The following HIBADH variants were observed in gnomAD, a reference collection of about 807,000 sequenced individuals.
The protein encoded by HIBADH is 3-hydroxyisobutyrate dehydrogenase, also known as 3-hydroxyisobutyrate dehydrogenase, mitochondrial.
Under a neutral mutation model 36.1 loss-of-function variants are expected in HIBADH, and 25 were observed. That is an observed-to-expected ratio of 0.69 (90% confidence interval 0.50 to 0.97). The LOEUF (loss-of-function observed/expected upper bound fraction) is 0.97, where lower values mean the gene tolerates loss of function less well. Among genes scored for constraint, HIBADH ranks in the 50% least tolerant of loss-of-function variants. The probability of loss-of-function intolerance (pLI) is 0.00; values close to 1 mark genes in which losing one functional copy is unlikely to be tolerated. For missense variants in HIBADH, 421 were observed against 418.0 expected, an observed-to-expected ratio of 1.01 and a Z score of -0.06; for synonymous variants, 160 against 149.5, an observed-to-expected ratio of 1.07 and a Z score of -0.51.
chr7:27,619,032 C>A (rs1295570747), intron 4 of HIBADH, among the ~76,000 whole-genome samples: 1 of 152,110 alleles, frequency 6.6e-6, no homozygotes, highest in African/African-American at 2.4e-5. Flanking sequence ...GACAAATATC[C>A]AAACTGTATC....
chr7:27,565,176 C>T (rs1051789183), intron 4 of HIBADH, among the ~76,000 whole-genome samples: 21 of 152,274 alleles, frequency 1.4e-4, no homozygotes, highest in African/African-American at 4.6e-4. Context: ...GAGATAGCCC[C>T]TACACCCCAA....
chr7:27,567,982 A>G (rs1012608437), intron 4 of HIBADH, among the ~76,000 whole-genome samples: 7 of 152,208 alleles, frequency 4.6e-5, no homozygotes, highest in African/African-American at 1.4e-4. Flanking sequence ...TTCAACTTAC[A>G]ATATTTTCAA....
At chr7:27,544,647 C>T (rs1784208654) in intron 4 of HIBADH, among the ~76,000 whole-genome samples, 1 of 152,156 alleles carries the variant, frequency 6.6e-6, no homozygotes, top group South Asian at 2.1e-4. Context: ...CACCATTCCT[C>T]CTAATCCTGT....
At position 27,594,734 on chromosome 7, in the gene HIBADH, C is replaced by T. The variant is rs1012195758; in HGVS notation, c.484+34637G>A. 2.6e-5 allele frequency among the ~76,000 whole-genome samples: 4 copies of T among 151,988 alleles called. No individual in the cohort carries two copies. In the South Asian group the frequency reaches 6.2e-4, roughly 24 times the overall value. On this transcript the variant is annotated intron_variant, in intron 4 of 7. Transcript: ENST00000265395. The stretch of plus-strand genomic sequence containing the variant: ...CCTTCCAGACAGTAAAATAAAGCAA[C>T]GGAAAGTTGTCCTACTCAGGAAACA...
chr7:27,621,762 A>C (rs1054984000), intron 4 of HIBADH, among the ~76,000 whole-genome samples: 6 of 152,212 alleles, frequency 3.9e-5, no homozygotes, highest in African/African-American at 1.4e-4. Flanking sequence ...ACTGCATTAC[A>C]GCCTGGGTGA....
At chr7:27,579,575 A>C (rs536507495) in intron 4 of HIBADH, among the ~76,000 whole-genome samples, 1 of 152,252 alleles carries the variant, frequency 6.6e-6, no homozygotes. Context: ...AAATTTCTAT[A>C]AACTGAATAC....
chr7:27,532,563 T>C (rs868862687), intron 6 of HIBADH, among the ~76,000 whole-genome samples: 12 of 152,228 alleles, frequency 7.9e-5, no homozygotes, highest in African/African-American at 2.9e-4. Context: ...TACCACATAA[T>C]ACAACTGTTA....
chr7:27,613,174 A>ATTT (rs1181045257), intron 4 of HIBADH, among the ~76,000 whole-genome samples: 2 of 9,332 alleles, frequency 2.1e-4, no homozygotes, highest in Non-Finnish European at 3.3e-4. Flanking sequence ...TATTTATATA[A>ATTT]ATATATTTAT....
intron 1 of HIBADH, among the ~76,000 whole-genome samples, chr7:27,653,464 G>C (rs6944455): frequency 6.6e-6 from 1 of 151,958 alleles, no homozygotes; most frequent in African/African-American, 2.4e-5. Flanking sequence ...GGCCGGGCGT[G>C]GTGGCTCACG....
intron 3 of HIBADH, among the ~76,000 whole-genome samples, chr7:27,630,641 CT>C (rs753630467): frequency 9.2e-5 from 14 of 152,092 alleles, no homozygotes; most frequent in Non-Finnish European, 1.5e-4. Flanking sequence ...TGGCTTAAGG[CT>C]GTAACCCCAG....
intron 6 of HIBADH, among the ~76,000 whole-genome samples, chr7:27,532,351 C>T (rs1008260539): frequency 2.0e-5 from 3 of 152,062 alleles, no homozygotes; most frequent in African/African-American, 7.2e-5. Context: ...CAACCTCTTC[C>T]AGAAAATAAA....
chr7:27,575,639 T>C (rs1358531299), intron 4 of HIBADH, among the ~76,000 whole-genome samples: 1 of 152,108 alleles, frequency 6.6e-6, no homozygotes, highest in Non-Finnish European at 1.5e-5. Context: ...CAGCAAGAAG[T>C]AGAGGAAGTC....
intron 4 of HIBADH, among the ~76,000 whole-genome samples, chr7:27,543,553 C>T (rs1213421945): frequency 6.6e-6 from 1 of 151,626 alleles, no homozygotes; most frequent in Non-Finnish European, 1.5e-5. Context: ...CACTCACCCA[C>T]TCTCCAAATA....
chr7:27,531,479 T>C, intron 6 of HIBADH, 131 bp from the exon 7 acceptor site: 1 of 734,022 alleles, frequency 1.4e-6, no homozygotes, highest in East Asian at 2.8e-5. Context: ...AGCAGGTTGA[T>C]ACGAGAGTGA....
chr7:27,532,802 A>T (rs1784021707), intron 6 of HIBADH, among the ~76,000 whole-genome samples: 1 of 152,194 alleles, frequency 6.6e-6, no homozygotes, highest in South Asian at 2.1e-4. Flanking sequence ...AGTTCACTGC[A>T]TGCATAGTAT....
intron 6 of HIBADH, among the ~76,000 whole-genome samples, chr7:27,534,173 T>TA (rs1784040283): frequency 6.6e-6 from 1 of 152,188 alleles, no homozygotes; most frequent in Admixed American, 6.5e-5. Flanking sequence ...CAAAAAAATT[T>TA]AAAAAATTAA....
intron 4 of HIBADH, among the ~76,000 whole-genome samples, chr7:27,596,062 C>T (rs954811351): frequency 6.6e-5 from 10 of 152,142 alleles, no homozygotes; most frequent in Non-Finnish European, 1.0e-4. Flanking sequence ...AACAAAACAT[C>T]TGACACTGGG....
chr7:27,602,671 A>G (rs1450660766), intron 4 of HIBADH, among the ~76,000 whole-genome samples: 2 of 152,204 alleles, frequency 1.3e-5, no homozygotes, highest in East Asian at 3.9e-4. Context: ...AACGTTTTAC[A>G]TTACAAGGCG....
chr7:27,621,655 G>A (rs976894113), intron 4 of HIBADH, among the ~76,000 whole-genome samples: 3 of 152,044 alleles, frequency 2.0e-5, no homozygotes, highest in African/African-American at 4.8e-5. Context: ...AGCCAGGTGT[G>A]GCAGCACAAG....
Sources: gnomAD v4.1 joint callset for allele counts (sites outside exome capture counted in the v4.1 genomes callset) on GRCh38, gnomAD v4.1.1 for gene constraint, MANE v1.5 for transcripts, NCBI Gene and HGNC (gene_info 2026-07-23, HGNC 2026-07-21) for gene names.